Variants in ALMS1 observed in about 807,000 individuals in gnomAD.
ALMS1 encodes centrosome-associated protein ALMS1.
ALMS1 carries 271 observed loss-of-function variants against 352.2 expected under a neutral mutation model. The ratio of observed to expected loss-of-function variants is 0.77; its 90% CI spans 0.70 to 0.85. The LOEUF (loss-of-function observed/expected upper bound fraction) is 0.85, where lower values mean the gene tolerates loss of function less well. Among genes scored for constraint, ALMS1 ranks in the 40% least tolerant of loss-of-function variants. The pLI is 0.00. For synonymous variants in ALMS1, 1,865 were observed against 1,761.2 expected, an observed-to-expected ratio of 1.06 and a Z score of -1.48; for missense variants, 5,445 against 4,870.7, an observed-to-expected ratio of 1.12 and a Z score of -3.51.
chr2:73,423,285 C>T (rs1671318308), intron 4 of ALMS1, among the ~76,000 whole-genome samples: 1 of 152,184 alleles, frequency 6.6e-6, no homozygotes, highest in African/African-American at 2.4e-5. Flanking sequence ...ATCTGCTGCC[C>T]ATCATCTCTC....
intron 4 of ALMS1, among the ~76,000 whole-genome samples, chr2:73,423,273 C>T (rs575459292): frequency 6.6e-6 from 1 of 152,242 alleles, no homozygotes; most frequent in South Asian, 2.1e-4. Flanking sequence ...ATAAACCTCC[C>T]CATCTGCTGC....
chr2:73,445,784 C>CT (rs11421983), intron 7 of ALMS1, among the ~76,000 whole-genome samples: 132,468 of 151,968 alleles, frequency 0.87, 57,824 homozygotes, highest in Admixed American at 0.92. Flanking sequence ...GTAGTATAGT[C>CT]TTTTCTGGCA....
chr2:73,509,890 G>T (rs1192219458), intron 10 of ALMS1, among the ~76,000 whole-genome samples: 4 of 152,116 alleles, frequency 2.6e-5, no homozygotes, highest in African/African-American at 9.7e-5. Context: ...TCACTTTCAG[G>T]TACACCAATC....
intron 16 of ALMS1, among the ~76,000 whole-genome samples, chr2:73,580,481 A>G (rs1372985122): frequency 6.6e-6 from 1 of 152,056 alleles, no homozygotes; most frequent in Non-Finnish European, 1.5e-5. Context: ...TTCTTTATCC[A>G]TGGTTTCCTT....
intron 7 of ALMS1, among the ~76,000 whole-genome samples, chr2:73,440,189 G>T (rs1671688445): frequency 6.6e-6 from 1 of 151,982 alleles, no homozygotes; most frequent in South Asian, 2.1e-4. Context: ...CACCATGTTG[G>T]CCAGGCTGGC....
In ALMS1 at chr2:73,448,551, T is replaced by A; in HGVS notation, c.2024T>A (p.Leu675His). 6.2e-7 allele frequency: 1 copy of A among 1,613,782 alleles called. No homozygotes were observed. The highest frequency in any genetic ancestry group is 8.5e-7 in the Non-Finnish European group (1 of 1,179,894). Residue 675 changes from leucine to histidine, a missense_variant, in exon 8 of 23, where the codon CTC (leucine) becomes CAC (histidine). Coordinates refer to ENST00000613296, the MANE Select transcript of ALMS1 (RefSeq NM_001378454.1). The part of the protein sequence containing the change: ...SSTSHSHVED[L>H]LFFYRQTLPD... ...ACATCCCACTCACATGTAGAGGACC[T>A]CCTCTTTTTCTATCGACAGACCTTG...
chr2:73,550,530 T>C, intron 13 of ALMS1, 93 bp downstream of exon 13: 3 of 1,507,172 alleles, frequency 2.0e-6, no homozygotes, highest in Non-Finnish European at 2.7e-6. Flanking sequence ...TTTTTCTGTT[T>C]TGTTATACAA....
intron 11 of ALMS1, among the ~76,000 whole-genome samples, chr2:73,522,891 G>C (rs1465620091): frequency 1.3e-5 from 2 of 152,134 alleles, no homozygotes; most frequent in African/African-American, 2.4e-5. Flanking sequence ...CTTATTTCTT[G>C]TGGATAATTC....
chr2:73,518,229 G>A (rs1428430194), intron 10 of ALMS1, among the ~76,000 whole-genome samples: 1 of 151,728 alleles, frequency 6.6e-6, no homozygotes, highest in Non-Finnish European at 1.5e-5. Flanking sequence ...TTGGTTTTCT[G>A]TTCCTGCATT....
intron 2 of ALMS1, among the ~76,000 whole-genome samples, chr2:73,411,147 C>G (rs1671068844): frequency 6.6e-6 from 1 of 151,898 alleles, no homozygotes; most frequent in Non-Finnish European, 1.5e-5. Context: ...AGGGTTTGCT[C>G]TTAATCCAAT....
rs754758293 is a variant in ALMS1, at chr2:73,448,723, C to G, written c.2196C>G (p.Asp732Glu). 2 of 1,605,300 alleles carry G rather than the reference C, an allele frequency of 1.2e-6. No homozygotes were observed. The highest frequency in any genetic ancestry group is 1.7e-6 in the Non-Finnish European group (2 of 1,174,178). ...TTTTTTACCAACAAGAGTTCGCAGA[C>G]AGTCATCAAACTGAAGAGACTCTTA... Reference protein sequence around the residue: ...PGIFYQQEFADSHQTEETLTK... With the variant: ...PGIFYQQEFAESHQTEETLTK... The change falls in exon 8 of 23, where the codon GAC becomes GAG. Residue 732 changes from aspartate (D) to glutamate (E), a missense_variant. Asp to Glu is a conservative substitution (Grantham distance 45). Coordinates refer to ENST00000613296, the MANE Select transcript of ALMS1 (RefSeq NM_001378454.1).
At chr2:73,414,972 T>C (rs1671157485) in intron 2 of ALMS1, among the ~76,000 whole-genome samples, 1 of 152,176 alleles carries the variant, frequency 6.6e-6, no homozygotes, top group Non-Finnish European at 1.5e-5. Context: ...CTTACCCCCA[T>C]ACCCCTATAC....
intron 2 of ALMS1, among the ~76,000 whole-genome samples, chr2:73,416,055 G>A (rs1671176282): frequency 6.6e-6 from 1 of 152,122 alleles, no homozygotes; most frequent in African/African-American, 2.4e-5. Context: ...CACTATTAGA[G>A]AGGAGTGAAC....
At chr2:73,498,007 A>G (rs1293356052) in intron 10 of ALMS1, among the ~76,000 whole-genome samples, 2 of 152,142 alleles carry the variant, frequency 1.3e-5, no homozygotes, top group Admixed American at 6.6e-5. Flanking sequence ...AGCCGATCAC[A>G]TGAATTTTTT....
intron 9 of ALMS1, among the ~76,000 whole-genome samples, chr2:73,466,579 C>T (rs1164912379): frequency 2.0e-5 from 3 of 152,026 alleles, no homozygotes; most frequent in East Asian, 1.9e-4. Flanking sequence ...CAACATGGCA[C>T]TTGTATACAT....
At chr2:73,491,887 C>T (rs1305132473) in intron 10 of ALMS1, among the ~76,000 whole-genome samples, 1 of 152,216 alleles carries the variant, frequency 6.6e-6, no homozygotes, top group Non-Finnish European at 1.5e-5. Flanking sequence ...CTCTCCCTCT[C>T]TCTCTCTCTT....
rs962038768 is a variant in ALMS1 at position 73,415,800 on chromosome 2, A to G, written c.451-3323A>G. Among the ~76,000 whole-genome samples the G allele has an allele frequency of 2.6e-5, 4 of 152,204 alleles. No individual in the cohort carries two copies. The South Asian group carries it at 8.3e-4, about 32-fold the overall frequency. On this transcript the variant is annotated intron_variant, in intron 2 of 22. Transcript: ENST00000613296. ...CATCAGTGTTAGCTTTTGCTGAGCA[A>G]ATAGGATAATGGGAGAAAAACGCAA...
chr2:73,601,499 A>G, intron 19 of ALMS1, 63 bp downstream of exon 19: 1 of 1,584,516 alleles, frequency 6.3e-7, no homozygotes, highest in Non-Finnish European at 8.6e-7. Context: ...AGGCGCAGAG[A>G]AGCTGGCTCT....
At chr2:73,591,537 TA>T (rs1162264501) in intron 16 of ALMS1, among the ~76,000 whole-genome samples, 1 of 152,208 alleles carries the variant, frequency 6.6e-6, no homozygotes, top group African/African-American at 2.4e-5. Context: ...GGACACCTTA[TA>T]AAAATTGACA....
Sources: allele counts gnomAD v4.1 joint callset (sites outside exome capture counted in the v4.1 genomes callset), GRCh38; gene constraint gnomAD v4.1.1; transcripts MANE v1.5; gene names NCBI Gene and HGNC (gene_info 2026-07-23, HGNC 2026-07-21).